Variants in SLC26A7 observed in about 807,000 individuals in gnomAD.
The protein encoded by SLC26A7 is solute carrier family 26 member 7, also known as anion exchange transporter.
A neutral mutation model predicts 82.5 loss-of-function variants in SLC26A7; 59 were observed. The observed-to-expected ratio is 0.72, with a 90% CI of 0.58 to 0.89. The LOEUF (loss-of-function observed/expected upper bound fraction) is 0.89, where lower values mean the gene tolerates loss of function less well. SLC26A7 is among the 40% of genes least tolerant of loss of function. The probability of loss-of-function intolerance (pLI) is 0.00; values close to 1 mark genes in which losing one functional copy is unlikely to be tolerated. For synonymous variants in SLC26A7, 271 were observed against 274.3 expected, an observed-to-expected ratio of 0.99 and a Z score of 0.12; for missense variants, 820 against 793.0, an observed-to-expected ratio of 1.03 and a Z score of -0.41.
chr8:91,394,112 A>T, intron 18 of SLC26A7, 73 bp downstream of exon 18: 1 of 1,588,028 alleles, frequency 6.3e-7, no homozygotes, highest in Non-Finnish European at 8.6e-7. Flanking sequence ...TGCATCTTTT[A>T]TATTAGCTTA....
intron 15 of SLC26A7, among the ~76,000 whole-genome samples, chr8:91,372,527 G>T (rs947148983): frequency 6.6e-6 from 1 of 151,828 alleles, no homozygotes; most frequent in Non-Finnish European, 1.5e-5. Context: ...TATCATTGAG[G>T]ATCAATTGGT....
intron 9 of SLC26A7, among the ~76,000 whole-genome samples, chr8:91,346,090 A>G (rs1348272389): frequency 3.9e-5 from 6 of 152,138 alleles, no homozygotes; most frequent in Non-Finnish European, 8.8e-5. Flanking sequence ...TATTCTATTC[A>G]TCAGCCTCCA....
chr8:91,343,515 C>A lies in SLC26A7; in HGVS notation c.1140+49C>A, dbSNP rs1442209339. 5.3e-6 allele frequency: 7 copies of A among 1,331,814 alleles called. No homozygotes were observed. In the East Asian group the frequency reaches 1.2e-4, roughly 22 times the overall value. The allele number at this position is 1,331,814 out of a possible 1,614,324, so 82.5% of individuals were successfully genotyped here. ...CAAAGCACTGCTGGGCCTTCACTCC[C>A]ATTCTAGGAGAGTGGGAAGAGCTAG... On this transcript the variant is annotated intron_variant, in intron 9 of 18. Transcript: ENST00000276609.
intron 2 of SLC26A7, among the ~76,000 whole-genome samples, chr8:91,234,825 C>CCTTCCT (rs1563637500): frequency 0.012 from 1,078 of 86,342 alleles, 22 homozygotes; most frequent in African/African-American, 0.042. Flanking sequence ...ACCTACCTAC[C>CCTTCCT]TACTTCCTTC....
At chr8:91,255,267 A>C (rs1367203638) in intron 2 of SLC26A7, among the ~76,000 whole-genome samples, 1 of 152,086 alleles carries the variant, frequency 6.6e-6, no homozygotes, top group Non-Finnish European at 1.5e-5. Flanking sequence ...CAAACAAAAG[A>C]TGGATGTTCC....
chr8:91,271,025 T>C (rs1811253208), intron 2 of SLC26A7, among the ~76,000 whole-genome samples: 1 of 152,242 alleles, frequency 6.6e-6, no homozygotes, highest in East Asian at 1.9e-4. Context: ...TCATAATGAC[T>C]GTTTCCCCAG....
At chr8:91,294,584 G>A (rs570949413) in intron 3 of SLC26A7, among the ~76,000 whole-genome samples, 38 of 152,236 alleles carry the variant, frequency 2.5e-4, no homozygotes, top group Non-Finnish European at 4.4e-4. Flanking sequence ...AGCAAAGTAA[G>A]ATCTTCAAGT....
chr8:91,338,947 A>C (rs1302313094), intron 7 of SLC26A7, among the ~76,000 whole-genome samples: 1 of 152,168 alleles, frequency 6.6e-6, no homozygotes, highest in East Asian at 1.9e-4. Flanking sequence ...TTCCAATCCC[A>C]AATTTTTGTT....
chr8:91,282,293 A>C (rs1811594946), intron 2 of SLC26A7, among the ~76,000 whole-genome samples: 1 of 152,160 alleles, frequency 6.6e-6, no homozygotes, highest in East Asian at 1.9e-4. Context: ...AGGATTGAGT[A>C]GAAGGCTTCT....
intron 9 of SLC26A7, among the ~76,000 whole-genome samples, chr8:91,345,508 T>G (rs1813538250): frequency 6.6e-6 from 1 of 152,236 alleles, no homozygotes; most frequent in South Asian, 2.1e-4. Context: ...GCTTGAGCAC[T>G]AAATGTCCTT....
chr8:91,298,451 A>G (rs979795367), intron 4 of SLC26A7, among the ~76,000 whole-genome samples: 1 of 151,918 alleles, frequency 6.6e-6, no homozygotes, highest in Non-Finnish European at 1.5e-5. Context: ...AATGTCTTGT[A>G]TGTCTATAAT....
chr8:91,276,614 T>A (rs1811414100), intron 2 of SLC26A7, among the ~76,000 whole-genome samples: 1 of 152,174 alleles, frequency 6.6e-6, no homozygotes, highest in East Asian at 1.9e-4. Flanking sequence ...ATTTCCTTCC[T>A]GTAATAATTG....
chr8:91,278,667 A>G (rs1386877529), intron 2 of SLC26A7, among the ~76,000 whole-genome samples: 2 of 152,166 alleles, frequency 1.3e-5, no homozygotes, highest in South Asian at 2.1e-4. Flanking sequence ...ATGAAGTACA[A>G]CATGATGTTT....
chr8:91,389,917 A>G (rs557345060), intron 16 of SLC26A7, among the ~76,000 whole-genome samples: 67 of 152,290 alleles, frequency 4.4e-4, no homozygotes, highest in African/African-American at 1.5e-3. Flanking sequence ...CTCTCAGGCA[A>G]TGGTGCTTCT....
At chr8:91,235,276 G>C (rs1266403947) in intron 2 of SLC26A7, among the ~76,000 whole-genome samples, 1 of 152,022 alleles carries the variant, frequency 6.6e-6, no homozygotes, top group African/African-American at 2.4e-5. Flanking sequence ...TGGTCATTGA[G>C]GGCTTAGTCC....
At chr8:91,273,929 C>T (rs1034713289) in intron 2 of SLC26A7, among the ~76,000 whole-genome samples, 2 of 152,128 alleles carry the variant, frequency 1.3e-5, no homozygotes, top group South Asian at 2.1e-4. Flanking sequence ...CTTTGTATCT[C>T]TCATGGAATT....
At chr8:91,239,393 A>ATATATATAT (rs1290343702) in intron 2 of SLC26A7, among the ~76,000 whole-genome samples, 27 of 101,824 alleles carry the variant, frequency 2.7e-4, no homozygotes, top group African/African-American at 8.9e-4. Context: ...AAAAAAAAAA[A>ATATATATAT]AAATATATAT....
intron 5 of SLC26A7, among the ~76,000 whole-genome samples, chr8:91,326,923 G>A (rs961227226): frequency 6.6e-6 from 1 of 152,104 alleles, no homozygotes; most frequent in South Asian, 2.1e-4. Context: ...TCTTCACATG[G>A]CCTTCCCTGC....
At chr8:91,389,990 C>T (rs1017104619) in intron 16 of SLC26A7, among the ~76,000 whole-genome samples, 2 of 152,152 alleles carry the variant, frequency 1.3e-5, no homozygotes, top group African/African-American at 4.8e-5. Context: ...TAACACTCCA[C>T]TTATGGCTTT....
Sources: gnomAD v4.1 joint callset for allele counts (sites outside exome capture counted in the v4.1 genomes callset) on GRCh38, gnomAD v4.1.1 for gene constraint, MANE v1.5 for transcripts, NCBI Gene and HGNC (gene_info 2026-07-23, HGNC 2026-07-21) for gene names.